The following AUTS2 variants were observed in gnomAD, a reference collection of about 807,000 sequenced individuals.
AUTS2 encodes autism susceptibility gene 2 protein.
A neutral mutation model predicts 112.4 loss-of-function variants in AUTS2; 17 were observed. The ratio of observed to expected loss-of-function variants is 0.15; its 90% confidence interval spans 0.10 to 0.23. The LOEUF is 0.23. Ranked by LOEUF, AUTS2 falls within the 10% of genes least tolerant of loss-of-function variation. AUTS2 has a pLI of 1.00. For missense variants in AUTS2, 1,510 were observed against 1,701.6 expected (o/e 0.89, Z 1.98); for synonymous variants, 751 against 702.7 (o/e 1.07, Z -1.09).
chr7:70,151,489 T>G (rs1807438481), intron 4 of AUTS2, among the ~76,000 whole-genome samples: 1 of 152,166 alleles, frequency 6.6e-6, no homozygotes, highest in Non-Finnish European at 1.5e-5. Context: ...TTTTTTATCT[T>G]TTTGAGACAG....
intron 2 of AUTS2, among the ~76,000 whole-genome samples, chr7:70,006,548 C>T (rs1799552114): frequency 1.3e-5 from 2 of 152,144 alleles, no homozygotes; most frequent in Non-Finnish European, 2.9e-5. Context: ...TTGTCACTTC[C>T]AGAACCAACA....
At chr7:70,377,672 G>A (rs1264312854) in intron 4 of AUTS2, among the ~76,000 whole-genome samples, 1 of 151,140 alleles carries the variant, frequency 6.6e-6, no homozygotes, top group African/African-American at 2.4e-5. Context: ...AGCATTCTAC[G>A]GTCTGCCTCT....
chr7:70,672,719 C>T (rs1299240142), intron 5 of AUTS2, among the ~76,000 whole-genome samples: 8 of 152,152 alleles, frequency 5.3e-5, no homozygotes, highest in Non-Finnish European at 2.9e-5. Flanking sequence ...TCTCCTGCCT[C>T]AGCCTCCCAA....
intron 5 of AUTS2, among the ~76,000 whole-genome samples, chr7:70,577,820 T>C (rs1040313295): frequency 2.7e-5 from 4 of 149,564 alleles, no homozygotes; most frequent in African/African-American, 1.0e-4. Flanking sequence ...TTTTTTTTAA[T>C]TTTTTTCTTT....
chr7:70,188,058 A>T (rs190031256), intron 4 of AUTS2, among the ~76,000 whole-genome samples: 1 of 152,332 alleles, frequency 6.6e-6, no homozygotes, highest in East Asian at 1.9e-4. Context: ...TTAACAGGTG[A>T]TAAACCTTGC....
chr7:70,044,199 T>C (rs6974687), intron 2 of AUTS2, among the ~76,000 whole-genome samples: 55,762 of 151,910 alleles, frequency 0.37, 10,782 homozygotes, highest in African/African-American at 0.49. Context: ...GGTTTCCAGG[T>C]GCAGGTCCTC....
chr7:70,418,702 G>C (rs567776954), intron 4 of AUTS2, among the ~76,000 whole-genome samples: 1 of 151,596 alleles, frequency 6.6e-6, no homozygotes, highest in African/African-American at 2.4e-5. Context: ...TTTACATGCC[G>C]TTGTGCATGT....
At chr7:70,511,669 A>G (rs1585236774) in intron 5 of AUTS2, among the ~76,000 whole-genome samples, 4 of 136,784 alleles carry the variant, frequency 2.9e-5, no homozygotes, top group East Asian at 2.2e-4. Flanking sequence ...TCTGCCTCCC[A>G]GGTTCAAGCG....
intron 1 of AUTS2, among the ~76,000 whole-genome samples, chr7:69,629,721 A>C (rs1391600084): frequency 2.6e-5 from 4 of 152,130 alleles, no homozygotes; most frequent in Non-Finnish European, 5.9e-5. Context: ...TGTGAGCCAC[A>C]TGAGGGCAGG....
At chr7:70,524,746 AAT>A (rs1301520951) in intron 5 of AUTS2, among the ~76,000 whole-genome samples, 2 of 152,316 alleles carry the variant, frequency 1.3e-5, no homozygotes, top group East Asian at 3.9e-4. Flanking sequence ...AAGTCCCTTT[AAT>A]ATGTTTTATT....
chr7:69,947,172 A>G (rs1390640912), intron 2 of AUTS2, among the ~76,000 whole-genome samples: 1 of 152,154 alleles, frequency 6.6e-6, no homozygotes, highest in Non-Finnish European at 1.5e-5. Context: ...TCTAGTGTTG[A>G]TCCTCATTCT....
chr7:69,870,704 G>A (rs1316441700), intron 1 of AUTS2, among the ~76,000 whole-genome samples: 1 of 151,818 alleles, frequency 6.6e-6, no homozygotes, highest in Non-Finnish European at 1.5e-5. Flanking sequence ...ACAGGGCCCA[G>A]TGCAGAATGA....
chr7:70,580,523 C>T (rs756953203), intron 5 of AUTS2, among the ~76,000 whole-genome samples: 4 of 152,138 alleles, frequency 2.6e-5, no homozygotes, highest in Admixed American at 6.5e-5. Context: ...AAAACAGTTC[C>T]GAATTCAGCC....
chr7:70,271,056 G>A (rs754627496), intron 4 of AUTS2, among the ~76,000 whole-genome samples: 1 of 151,922 alleles, frequency 6.6e-6, no homozygotes, highest in Non-Finnish European at 1.5e-5. Context: ...GTTCCACCCC[G>A]GAGTTCAGGC....
At chr7:70,294,367 A>G (rs192480109) in intron 4 of AUTS2, 1 of 152,306 alleles carries the variant, frequency 6.6e-6, no homozygotes, top group Non-Finnish European at 1.5e-5. Flanking sequence ...TTCCCCACTG[A>G]GTCCATTACA....
chr7:70,750,650 C>G (rs1788758630), intron 6 of AUTS2, among the ~76,000 whole-genome samples: 1 of 152,212 alleles, frequency 6.6e-6, no homozygotes, highest in Admixed American at 6.5e-5. Flanking sequence ...GATCCGCCCA[C>G]TTTGGCCTCC....
chr7:69,989,333 G>C (rs1173166576), intron 2 of AUTS2, among the ~76,000 whole-genome samples: 1 of 152,124 alleles, frequency 6.6e-6, no homozygotes, highest in East Asian at 1.9e-4. Flanking sequence ...CACTTCAAGG[G>C]GTTTGAGGAA....
chr7:70,576,124 G>A (rs138569963), intron 5 of AUTS2, among the ~76,000 whole-genome samples: 3 of 152,230 alleles, frequency 2.0e-5, no homozygotes, highest in Non-Finnish European at 2.9e-5. Flanking sequence ...CTAGGCAGAT[G>A]TACATTTTTT....
intron 2 of AUTS2, among the ~76,000 whole-genome samples, chr7:70,058,300 A>G (rs937166388): frequency 1.3e-5 from 2 of 152,212 alleles, no homozygotes; most frequent in East Asian, 3.8e-4. Context: ...TACATGTGGT[A>G]TGTCTGGAGT....
Sources: gnomAD v4.1 joint callset for allele counts (sites outside exome capture counted in the v4.1 genomes callset) on GRCh38, gnomAD v4.1.1 for gene constraint, MANE v1.5 for transcripts, NCBI Gene and HGNC (gene_info 2026-07-23, HGNC 2026-07-21) for gene names.